The following TRAPPC9 variants were observed in gnomAD, a reference collection of about 807,000 sequenced individuals.
The protein encoded by TRAPPC9 is trafficking protein particle complex subunit 9, also known as IKK2 binding protein.
TRAPPC9 carries 83 observed loss-of-function variants against 124.0 expected under a neutral mutation model. The observed-to-expected ratio is 0.67, with a 90% confidence interval of 0.56 to 0.80. The LOEUF is 0.80. Among genes scored for constraint, TRAPPC9 ranks in the 30% least tolerant of loss-of-function variants. The pLI is 0.00. For missense variants in TRAPPC9, 1,302 were observed against 1,508.3 expected (o/e 0.86, Z 2.27); for synonymous variants, 638 against 617.5 (o/e 1.03, Z -0.49).
intron 17 of TRAPPC9, chr8:140,096,064 T>A (rs1356774177): frequency 6.6e-6 from 1 of 152,226 alleles, no homozygotes; most frequent in Non-Finnish European, 1.5e-5. Flanking sequence ...TTCCACCTAG[T>A]ACATCTCCTC....
rs2071426030 is a variant in TRAPPC9, at chr8:140,450,775, T to C, written c.584+15A>G. 6.3e-7 allele frequency: 1 copy of C among 1,591,580 alleles called. No individual in the cohort carries two copies. Among genetic ancestry groups the C allele is most frequent in the East Asian group, 2.2e-5 (1 of 44,450 alleles). ...GCAGGGAAGCCAAGGGGCCTGGGTC[T>C]CTAGGTAAGCTTACCTGCTGTCTGT... is the stretch of plus-strand genomic sequence containing the variant. On this transcript the variant is annotated intron_variant, in intron 2 of 22. Coordinates refer to ENST00000438773, the MANE Select transcript of TRAPPC9 (RefSeq NM_001160372.4).
chr8:140,285,623 C>T (rs775817571), intron 13 of TRAPPC9, among the ~76,000 whole-genome samples: 1 of 152,140 alleles, frequency 6.6e-6, no homozygotes, highest in Non-Finnish European at 1.5e-5. Context: ...CCACTCTGAC[C>T]ACCCCCAGGT....
At chr8:140,201,141 C>T (rs1476224135) in intron 17 of TRAPPC9, among the ~76,000 whole-genome samples, 1 of 152,156 alleles carries the variant, frequency 6.6e-6, no homozygotes, top group Non-Finnish European at 1.5e-5. Context: ...AGTGGACAGC[C>T]AGGCAGAGGC....
At chr8:140,332,976 A>G (rs554213156) in intron 9 of TRAPPC9, among the ~76,000 whole-genome samples, 26 of 152,274 alleles carry the variant, frequency 1.7e-4, no homozygotes, top group African/African-American at 6.3e-4. Context: ...AAATACGAAA[A>G]TTAGCCGGAC....
At chr8:139,766,311 G>C (rs1314142272) in intron 21 of TRAPPC9, among the ~76,000 whole-genome samples, 1 of 152,118 alleles carries the variant, frequency 6.6e-6, no homozygotes, top group East Asian at 1.9e-4. Context: ...CCCGTACTGG[G>C]GTCTGGCCAT....
intron 21 of TRAPPC9, among the ~76,000 whole-genome samples, chr8:139,827,897 C>T (rs762981399): frequency 1.3e-5 from 2 of 152,140 alleles, no homozygotes; most frequent in East Asian, 1.9e-4. Context: ...TGGGAGCAGG[C>T]GTGTCACACA....
rs137953779 is a variant in TRAPPC9 at position 139,741,487 on chromosome 8, TTTG to T, written c.3056-9288_3056-9286del. Among the ~76,000 whole-genome samples, 1,457 of 152,242 alleles carry T rather than the reference TTTG, an allele frequency of 9.6e-3. 24 individuals carry two copies. The highest frequency in any genetic ancestry group is 0.033 in the African/African-American group (1,367 of 41,522). On this transcript the variant is annotated intron_variant, in intron 21 of 22. Coordinates refer to ENST00000438773, the MANE Select transcript of TRAPPC9 (RefSeq NM_001160372.4). ...CTGGACTTGGTCTGGTTTTGTTGTT[TTTG>T]TTGTTGTTGTTTTCCAGTAGCTTTA...
intron 18 of TRAPPC9, among the ~76,000 whole-genome samples, chr8:140,007,411 T>C (rs78656081): frequency 0.04 from 6,087 of 152,304 alleles, 132 homozygotes; most frequent in South Asian, 0.077. Flanking sequence ...CTAATTTTGC[T>C]TTTTGTTTTC....
At chr8:140,287,548 A>G (rs989559050) in intron 13 of TRAPPC9, 60 bp downstream of exon 13, 30 of 1,607,540 alleles carry the variant, frequency 1.9e-5, no homozygotes, top group Non-Finnish European at 2.3e-5. Context: ...GACCTCATGG[A>G]GGCCATGCAA....
At chr8:140,228,624 T>A (rs1260406672) in intron 16 of TRAPPC9, among the ~76,000 whole-genome samples, 7 of 152,174 alleles carry the variant, frequency 4.6e-5, no homozygotes, top group African/African-American at 1.7e-4. Flanking sequence ...AGACGTAAAG[T>A]CCTCTGCCCT....
intron 19 of TRAPPC9, among the ~76,000 whole-genome samples, chr8:139,971,353 C>T (rs1836053586): frequency 6.6e-6 from 1 of 152,212 alleles, no homozygotes; most frequent in South Asian, 2.1e-4. Flanking sequence ...CTCCCCCGCC[C>T]CCAACCTCCT....
At chr8:140,193,906 A>T (rs2062565501) in intron 17 of TRAPPC9, among the ~76,000 whole-genome samples, 1 of 152,232 alleles carries the variant, frequency 6.6e-6, no homozygotes, top group Non-Finnish European at 1.5e-5. Flanking sequence ...GGCTCCCAGT[A>T]TGTAGAAGCT....
chr8:140,184,087 C>T (rs900302962), intron 17 of TRAPPC9, among the ~76,000 whole-genome samples: 5 of 151,908 alleles, frequency 3.3e-5, no homozygotes, highest in African/African-American at 1.2e-4. Flanking sequence ...TGTCAGCAGT[C>T]GTGGGCTGAG....
At chr8:140,112,737 T>G (rs983623222) in intron 17 of TRAPPC9, among the ~76,000 whole-genome samples, 1 of 152,222 alleles carries the variant, frequency 6.6e-6, no homozygotes, top group South Asian at 2.1e-4. Context: ...AGGCCCCTTT[T>G]AATAGGTGGC....
chr8:140,281,245 T>A (rs1250893764), intron 14 of TRAPPC9, among the ~76,000 whole-genome samples: 1 of 152,204 alleles, frequency 6.6e-6, no homozygotes. Flanking sequence ...CCCATCAGCA[T>A]CCCCATCGGC....
intron 7 of TRAPPC9, among the ~76,000 whole-genome samples, chr8:140,389,515 T>C (rs1227463719): frequency 1.3e-5 from 2 of 152,126 alleles, no homozygotes; most frequent in Non-Finnish European, 2.9e-5. Context: ...ACATGAGTCA[T>C]AGCTGACTCC....
intron 7 of TRAPPC9, among the ~76,000 whole-genome samples, chr8:140,385,861 C>CA (rs1355996747): frequency 6.6e-6 from 1 of 151,946 alleles, no homozygotes; most frequent in Non-Finnish European, 1.5e-5. Context: ...AGAGACACAA[C>CA]AAAAAAAGAG....
chr8:140,336,103 A>T (rs1303488704), intron 9 of TRAPPC9, among the ~76,000 whole-genome samples: 1 of 151,922 alleles, frequency 6.6e-6, no homozygotes, highest in African/African-American at 2.4e-5. Context: ...ATTACTTTTG[A>T]TGTATAACTA....
intron 21 of TRAPPC9, among the ~76,000 whole-genome samples, chr8:139,852,546 T>C (rs1445372579): frequency 1.3e-5 from 2 of 152,176 alleles, no homozygotes; most frequent in African/African-American, 2.4e-5. Context: ...TCCAAATGTA[T>C]AAAATGACAG....
Sources: gnomAD v4.1 joint callset for allele counts (sites outside exome capture counted in the v4.1 genomes callset) on GRCh38, gnomAD v4.1.1 for gene constraint, MANE v1.5 for transcripts, NCBI Gene and HGNC (gene_info 2026-07-23, HGNC 2026-07-21) for gene names.